The following WWC2 variants were observed in gnomAD, a reference collection of about 807,000 sequenced individuals.
WWC2 encodes protein WWC2.
In WWC2, 101 loss-of-function variants were observed where a neutral mutation model predicts 138.5. The observed-to-expected ratio is 0.73, with a 90% CI of 0.62 to 0.86. The LOEUF is 0.86. Ranked by LOEUF, WWC2 falls within the 40% of genes least tolerant of loss-of-function variation. The probability of loss-of-function intolerance (pLI) is 0.00; values close to 1 mark genes in which losing one functional copy is unlikely to be tolerated. For missense variants in WWC2, 1,420 were observed against 1,419.4 expected, an observed-to-expected ratio of 1.00 and a Z score of -0.01; for synonymous variants, 558 against 538.4, an observed-to-expected ratio of 1.04 and a Z score of -0.50.
intron 2 of WWC2, among the ~76,000 whole-genome samples, chr4:183,198,525 A>G (rs946717125): frequency 5.9e-5 from 9 of 152,078 alleles, no homozygotes; most frequent in Admixed American, 5.2e-4. Flanking sequence ...AAATGGGATT[A>G]TATTATATAT....
chr4:183,247,790 ATATATAG>A (rs910304100), intron 6 of WWC2, among the ~76,000 whole-genome samples: 5 of 138,040 alleles, frequency 3.6e-5, no homozygotes, highest in African/African-American at 1.1e-4. Flanking sequence ...TATATATTAT[ATATATAG>A]TATATAGTAT....
intron 4 of WWC2, chr4:183,233,494 T>C (rs1736323478): frequency 1.3e-5 from 2 of 152,120 alleles, no homozygotes; most frequent in Admixed American, 1.3e-4. Flanking sequence ...AGCATTGACC[T>C]TCCATATATT....
At chr4:183,237,976 C>G (rs1486533268) in intron 4 of WWC2, among the ~76,000 whole-genome samples, 3 of 152,098 alleles carry the variant, frequency 2.0e-5, no homozygotes, top group Admixed American at 6.5e-5. Context: ...GAACACTCTT[C>G]TCTTTTCAAT....
rs768359244 is a variant in WWC2 at position 183,261,099 on chromosome 4, GA to G, written c.1480del (p.Ser494AlafsTer97). On this transcript the variant is annotated frameshift_variant, in exon 11 of 23. Transcript: ENST00000403733. LOFTEE classifies it high-confidence loss of function. ...ATAAACTGGACTTCCTTCTGCAAGA[GA>G]AAAGCGGTTACATTCCTTCTGGACC... Reference protein sequence around the residue: ...QYKLDFLLQEKSGYIPSGPIT... With the variant: ...QYKLDFLLQEXSGYIPSGPIT... 6.2e-7 allele frequency: 1 copy of G among 1,613,996 alleles called. No individual in the cohort carries two copies. The highest frequency in any genetic ancestry group is 2.2e-5 in the East Asian group (1 of 44,880).
At chr4:183,113,139 G>T (rs1307732793) in intron 1 of WWC2, among the ~76,000 whole-genome samples, 1 of 151,862 alleles carries the variant, frequency 6.6e-6, no homozygotes, top group Non-Finnish European at 1.5e-5. Context: ...CAGGCGTGGG[G>T]TGCATACTTG....
Position 183,144,483 on chromosome 4 carries a change from A to G in WWC2, c.131+44861A>G, listed in dbSNP as rs1407458393. The stretch of plus-strand genomic sequence containing the variant: ...GAAAAAAATTACAAATTTAGAGACT[A>G]TAGTGCTAAGAGATTAGTACTAAAA... On this transcript the variant is annotated intron_variant, in intron 1 of 22. Coordinates refer to ENST00000403733, the MANE Select transcript of WWC2 (RefSeq NM_024949.6). Among the ~76,000 whole-genome samples the G allele has an allele frequency of 5.3e-5, 8 of 152,216 alleles. No homozygotes were observed. In the East Asian group the frequency reaches 5.8e-4, roughly 11 times the overall value.
rs1446329755 is a variant in WWC2 at position 183,120,199 on chromosome 4, T to C, written c.131+20577T>C. On this transcript the variant is annotated intron_variant, in intron 1 of 22. Coordinates refer to ENST00000403733, the MANE Select transcript of WWC2 (RefSeq NM_024949.6). ...GGAATCAGTTAGTTGGAAAACCAGT[T>C]ATTTAAACATTCTCAATGTCAGCTG... 2.6e-5 allele frequency among the ~76,000 whole-genome samples: 4 copies of C among 152,238 alleles called. No homozygotes were observed. In the East Asian group the frequency reaches 5.8e-4, roughly 22 times the overall value.
intron 1 of WWC2, among the ~76,000 whole-genome samples, chr4:183,124,862 A>G (rs573548030): frequency 1.3e-5 from 2 of 152,270 alleles, no homozygotes; most frequent in South Asian, 4.1e-4. Flanking sequence ...GTTATCTTGT[A>G]CTTACAGTTT....
At chr4:183,151,337 C>T (rs1052627486) in intron 1 of WWC2, among the ~76,000 whole-genome samples, 1 of 152,196 alleles carries the variant, frequency 6.6e-6, no homozygotes, top group African/African-American at 2.4e-5. Flanking sequence ...TAAATGTCTT[C>T]TTTTGAGAAG....
At chr4:183,268,875 C>G (rs779264490) in intron 14 of WWC2, 96 bp from the exon 15 acceptor site, 196 of 1,282,922 alleles carry the variant, frequency 1.5e-4, no homozygotes, top group Non-Finnish European at 2.0e-4. Flanking sequence ...TCCACGATCC[C>G]TCATTTTCTC....
At chr4:183,200,422 C>T (rs1260822817) in intron 2 of WWC2, among the ~76,000 whole-genome samples, 2 of 152,042 alleles carry the variant, frequency 1.3e-5, no homozygotes, top group Non-Finnish European at 1.5e-5. Context: ...TTTTTATTAT[C>T]TCTTTATTAG....
intron 21 of WWC2, among the ~76,000 whole-genome samples, chr4:183,306,507 AGGATTT>A (rs1739027072): frequency 6.6e-6 from 1 of 151,838 alleles, no homozygotes. Context: ...AAAGTTATCC[AGGATTT>A]AAAAAAAAAG....
rs186858427 is a variant in WWC2, at chr4:183,140,653, G to A, written c.131+41031G>A. On this transcript the variant is annotated intron_variant, in intron 1 of 22. Coordinates refer to ENST00000403733, the MANE Select transcript of WWC2 (RefSeq NM_024949.6). ...TATTTTTTTTACTGTATATAAAGAA[G>A]CATTATTTTTAATAAGCAGAATTAC... is the stretch of plus-strand genomic sequence containing the variant. Among the ~76,000 whole-genome samples, 114 of 152,196 alleles carry A rather than the reference G, an allele frequency of 7.5e-4. 1 individual carries two copies. The highest frequency in any genetic ancestry group is 2.4e-3 in the African/African-American group (101 of 41,530).
At chr4:183,115,610 A>G (rs980817945) in intron 1 of WWC2, among the ~76,000 whole-genome samples, 1 of 152,118 alleles carries the variant, frequency 6.6e-6, no homozygotes, top group African/African-American at 2.4e-5. Context: ...CATTTCTCTA[A>G]TGATCAGTGA....
chr4:183,274,011 T>C (rs1430704683), intron 16 of WWC2, among the ~76,000 whole-genome samples: 1 of 152,164 alleles, frequency 6.6e-6, no homozygotes, highest in Non-Finnish European at 1.5e-5. Context: ...TGAATTATCT[T>C]GGCACCCTTG....
intron 1 of WWC2, among the ~76,000 whole-genome samples, chr4:183,151,951 TAC>T (rs139505827): frequency 0.1 from 15,379 of 152,216 alleles, 891 homozygotes; most frequent in South Asian, 0.18. Flanking sequence ...TTTAAAAAAT[TAC>T]ATTTTATAGT....
chr4:183,268,222 G>A (rs1560876947), intron 14 of WWC2, among the ~76,000 whole-genome samples: 1 of 152,178 alleles, frequency 6.6e-6, no homozygotes, highest in Admixed American at 6.5e-5. Context: ...AGACTTAGCG[G>A]TATTCTCTTC....
chr4:183,212,906 G>A (rs1053848923), intron 4 of WWC2, among the ~76,000 whole-genome samples: 3 of 151,930 alleles, frequency 2.0e-5, no homozygotes, highest in Non-Finnish European at 4.4e-5. Context: ...ATATTATAAC[G>A]TATAATATAT....
chr4:183,306,613 G>A (rs1270777483), intron 21 of WWC2, among the ~76,000 whole-genome samples: 2 of 151,648 alleles, frequency 1.3e-5, no homozygotes, highest in Non-Finnish European at 2.9e-5. Flanking sequence ...CTGTCACCCA[G>A]GCTCCCAGGT....
Sources: allele counts gnomAD v4.1 joint callset (sites outside exome capture counted in the v4.1 genomes callset), GRCh38; gene constraint gnomAD v4.1.1; transcripts MANE v1.5; gene names NCBI Gene and HGNC (gene_info 2026-07-23, HGNC 2026-07-21).